Variants in FGF14 observed in about 807,000 individuals in gnomAD.
FGF14 encodes fibroblast growth factor homologous factor 4.
Under a neutral mutation model 25.5 loss-of-function variants are expected in FGF14, and 5 were observed. The ratio of observed to expected loss-of-function variants is 0.20; its 90% CI spans 0.10 to 0.41. The LOEUF is 0.41. Ranked by LOEUF, FGF14 falls within the 10% of genes least tolerant of loss-of-function variation. The pLI, the probability that FGF14 is intolerant of heterozygous loss-of-function variation, is 1.00. For missense variants in FGF14, 222 were observed against 320.1 expected (o/e 0.69, Z 2.34); for synonymous variants, 138 against 118.3 (o/e 1.17, Z -1.08).
chr13:102,056,986 T>C (rs2140084797), intron 1 of FGF14, among the ~76,000 whole-genome samples: 1 of 151,842 alleles, frequency 6.6e-6, no homozygotes, highest in Non-Finnish European at 1.5e-5. Flanking sequence ...TTTTATGACA[T>C]TTAAATTTTA....
chr13:102,202,816 C>T (rs1385896894), intron 1 of FGF14, among the ~76,000 whole-genome samples: 1 of 152,166 alleles, frequency 6.6e-6, no homozygotes, highest in Non-Finnish European at 1.5e-5. Context: ...TGGCATTATT[C>T]TGACCACCAG....
intron 1 of FGF14, among the ~76,000 whole-genome samples, chr13:102,097,626 C>T (rs1276064659): frequency 6.6e-6 from 1 of 152,150 alleles, no homozygotes. Flanking sequence ...AACTTTGGAG[C>T]TGAGGGCCAA....
At chr13:101,939,646 T>A (rs770582215) in intron 1 of FGF14, among the ~76,000 whole-genome samples, 7 of 152,218 alleles carry the variant, frequency 4.6e-5, no homozygotes, top group Non-Finnish European at 7.3e-5. Flanking sequence ...ATCTCACCAA[T>A]GTGCAGTCTT....
Position 102,350,817 on chromosome 13 carries a change from A to T in FGF14, c.208+50654T>A, listed in dbSNP as rs143341321. ...AGTGGCGTAAGATGCAGCCATATTC[A>T]TACAAGTTTCTCTCGAATGTCTATT... On this transcript the variant is annotated intron_variant, in intron 1 of 4. Transcript: ENST00000376131. Among the ~76,000 whole-genome samples the T allele has an allele frequency of 1.8e-3, 275 of 152,344 alleles. 3 individuals are homozygous for T. In the Middle Eastern group the frequency reaches 0.02, roughly 11 times the overall value.
chr13:102,342,457 G>T (rs925749947), intron 1 of FGF14, among the ~76,000 whole-genome samples: 1 of 151,978 alleles, frequency 6.6e-6, no homozygotes, highest in Non-Finnish European at 1.5e-5. Context: ...AAAGAAAAAT[G>T]GACAAAATTA....
intron 3 of FGF14, among the ~76,000 whole-genome samples, chr13:101,838,124 T>C (rs2043013362): frequency 6.6e-6 from 1 of 152,014 alleles, no homozygotes; most frequent in Non-Finnish European, 1.5e-5. Context: ...TGTGATCATA[T>C]GAGTCAATAT....
At chr13:101,940,999 A>G (rs2035413841) in intron 1 of FGF14, among the ~76,000 whole-genome samples, 1 of 149,660 alleles carries the variant, frequency 6.7e-6, no homozygotes, top group South Asian at 2.1e-4. Context: ...TAAGACTTAG[A>G]AAAAAAAACA....
intron 1 of FGF14, among the ~76,000 whole-genome samples, chr13:102,076,058 GTAAGA>G (rs942968004): frequency 1.2e-4 from 19 of 152,048 alleles, no homozygotes; most frequent in Non-Finnish European, 8.8e-5. Context: ...AAAAGTTATA[GTAAGA>G]TAAGGTTAAT....
At chr13:102,043,929 T>C (rs2041861467) in intron 1 of FGF14, among the ~76,000 whole-genome samples, 1 of 152,142 alleles carries the variant, frequency 6.6e-6, no homozygotes, top group Non-Finnish European at 1.5e-5. Flanking sequence ...CTTGTACAAG[T>C]GCAGCAATCA....
intron 1 of FGF14, among the ~76,000 whole-genome samples, chr13:101,897,197 T>C (rs2030825173): frequency 6.6e-6 from 1 of 152,206 alleles, no homozygotes; most frequent in Non-Finnish European, 1.5e-5. Context: ...CATATGTGCC[T>C]AGAGTGTGAC....
intron 1 of FGF14, among the ~76,000 whole-genome samples, chr13:102,301,868 T>A (rs201129665): frequency 3.7e-5 from 3 of 80,530 alleles, no homozygotes; most frequent in Non-Finnish European, 7.8e-5. Flanking sequence ...ACACACACAC[T>A]TTACTCTCAG....
chr13:102,285,248 A>T (rs2141234183), intron 1 of FGF14, among the ~76,000 whole-genome samples: 1 of 152,282 alleles, frequency 6.6e-6, no homozygotes, highest in African/African-American at 2.4e-5. Flanking sequence ...TTTTGGTTAT[A>T]CATTCTGCTT....
chr13:101,949,100 G>A (rs560732152), intron 1 of FGF14, among the ~76,000 whole-genome samples: 2 of 152,064 alleles, frequency 1.3e-5, no homozygotes, highest in African/African-American at 4.8e-5. Context: ...GGCACAAACC[G>A]CTTTCACCAG....
At chr13:102,038,301 G>C (rs1595074488) in intron 1 of FGF14, among the ~76,000 whole-genome samples, 1 of 152,136 alleles carries the variant, frequency 6.6e-6, no homozygotes, top group Non-Finnish European at 1.5e-5. Context: ...TGGAATATAT[G>C]TTATTAGTGA....
At chr13:101,748,058 A>T (rs1027064607) in intron 3 of FGF14, among the ~76,000 whole-genome samples, 1 of 152,002 alleles carries the variant, frequency 6.6e-6, no homozygotes, top group Non-Finnish European at 1.5e-5. Flanking sequence ...AACAGTACGG[A>T]GATATCTCAA....
At chr13:101,904,245 G>A (rs910786590) in intron 1 of FGF14, among the ~76,000 whole-genome samples, 1 of 152,196 alleles carries the variant, frequency 6.6e-6, no homozygotes, top group Non-Finnish European at 1.5e-5. Flanking sequence ...ACCACACCAT[G>A]AAGAGTGGCA....
intron 3 of FGF14, among the ~76,000 whole-genome samples, chr13:101,861,042 G>C (rs1270884875): frequency 3.3e-5 from 5 of 152,074 alleles, no homozygotes. Flanking sequence ...ATGTGAGAAA[G>C]ATTTCTCAAG....
intron 1 of FGF14, among the ~76,000 whole-genome samples, chr13:102,230,580 G>A (rs968069014): frequency 6.6e-6 from 1 of 152,104 alleles, no homozygotes; most frequent in Non-Finnish European, 1.5e-5. Flanking sequence ...GTGACTCCAG[G>A]GGACTTTGCA....
At chr13:102,286,463 G>C (rs1327935782) in intron 1 of FGF14, among the ~76,000 whole-genome samples, 1 of 152,090 alleles carries the variant, frequency 6.6e-6, no homozygotes, top group African/African-American at 2.4e-5. Context: ...TTGCTTCTCT[G>C]CATGAGTAAC....
Sources: allele counts gnomAD v4.1 joint callset (sites outside exome capture counted in the v4.1 genomes callset), GRCh38; gene constraint gnomAD v4.1.1; transcripts MANE v1.5; gene names NCBI Gene and HGNC (gene_info 2026-07-23, HGNC 2026-07-21).